The following BAZ2B variants were observed in gnomAD, a reference collection of about 807,000 sequenced individuals.
The protein encoded by BAZ2B is bromodomain adjacent to zinc finger domain 2B.
BAZ2B carries 91 observed loss-of-function variants against 246.0 expected under a neutral mutation model. That is an observed-to-expected ratio of 0.37 (90% CI 0.31 to 0.44). The LOEUF is 0.44. Ranked by LOEUF, BAZ2B falls within the 20% of genes least tolerant of loss-of-function variation. The pLI, the probability that BAZ2B is intolerant of heterozygous loss-of-function variation, is 1.00. For missense variants in BAZ2B, 2,332 were observed against 2,533.7 expected (o/e 0.92, Z 1.71); for synonymous variants, 855 against 860.0 (o/e 0.99, Z 0.10).
rs535929625 is a variant in BAZ2B at position 159,442,655 on chromosome 2, C to T, written c.697-3443G>A. ...TTCTATACCTATTAAACACTAACTT[C>T]CCATCCCTCCTTCCATGCTAGCCAC... is the stretch of plus-strand genomic sequence containing the variant. On this transcript the variant is annotated intron_variant, in intron 6 of 36. Transcript: ENST00000392783. Among the ~76,000 whole-genome samples the T allele has an allele frequency of 3.9e-5, 6 of 152,338 alleles. No homozygotes were observed. The South Asian group carries it at 1.2e-3, about 32-fold the overall frequency.
intron 1 of BAZ2B, among the ~76,000 whole-genome samples, chr2:159,612,686 A>C (rs1355176287): frequency 1.3e-5 from 2 of 152,196 alleles, no homozygotes; most frequent in Non-Finnish European, 2.9e-5. Context: ...TAACAATTGC[A>C]GTTCAAGCTG....
chr2:159,343,226 T>G (rs1419330206), intron 31 of BAZ2B, among the ~76,000 whole-genome samples: 2 of 152,140 alleles, frequency 1.3e-5, no homozygotes, highest in Non-Finnish European at 2.9e-5. Context: ...GCAGAGGAAT[T>G]AAACTAGACC....
intron 3 of BAZ2B, among the ~76,000 whole-genome samples, chr2:159,476,050 T>A (rs1285975394): frequency 6.6e-6 from 1 of 152,150 alleles, no homozygotes; most frequent in Admixed American, 6.5e-5. Flanking sequence ...AATCTGTCCC[T>A]TAGCAAAGCT....
At chr2:159,453,529 C>G (rs1306655746) in intron 4 of BAZ2B, 84 bp downstream of exon 4, 57 of 1,399,880 alleles carry the variant, frequency 4.1e-5, no homozygotes, top group Non-Finnish European at 5.4e-5. Flanking sequence ...TTAGACTATT[C>G]CTTTTGTTCA....
At chr2:159,440,284 CA>C (rs565647506) in intron 6 of BAZ2B, among the ~76,000 whole-genome samples, 189 of 152,042 alleles carry the variant, frequency 1.2e-3, no homozygotes, top group South Asian at 4.8e-3. Context: ...GAAAAAATAA[CA>C]ATAAATTACA....
chr2:159,318,053 GTGTT>G (rs1365165306), downstream of BAZ2B, among the ~76,000 whole-genome samples: 1 of 152,008 alleles, frequency 6.6e-6, no homozygotes, highest in Non-Finnish European at 1.5e-5. Context: ...TTTGGTGTGT[GTGTT>G]TAAGTACTTT....
At chr2:159,347,740 C>T (rs1420440441) in intron 30 of BAZ2B, 94 bp from the exon 31 acceptor site, 1 of 1,049,680 alleles carries the variant, frequency 9.5e-7, no homozygotes, top group Non-Finnish European at 1.4e-6. Flanking sequence ...CTAGGAGACC[C>T]ATGTACATCT....
intron 3 of BAZ2B, 81 bp from the exon 4 acceptor site, chr2:159,453,882 A>C: frequency 1.7e-6 from 2 of 1,159,226 alleles, no homozygotes; most frequent in Non-Finnish European, 2.3e-6. Context: ...TATAGTTAAA[A>C]TTTATAATAA....
At chr2:159,437,695 T>C (rs578242387) in intron 8 of BAZ2B, 2 of 152,256 alleles carry the variant, frequency 1.3e-5, no homozygotes, top group Non-Finnish European at 2.9e-5. Flanking sequence ...GGCGGGCAGA[T>C]CACTTGAGGT....
At chr2:159,353,422 G>A (rs1300399960) in intron 27 of BAZ2B, among the ~76,000 whole-genome samples, 1 of 152,208 alleles carries the variant, frequency 6.6e-6, no homozygotes, top group Non-Finnish European at 1.5e-5. Context: ...CCTTGGGACA[G>A]CTTCTAGGAT....
intron 13 of BAZ2B, among the ~76,000 whole-genome samples, chr2:159,421,175 T>C (rs2068675720): frequency 1.8e-5 from 1 of 54,600 alleles, no homozygotes. Context: ...TTTCTTTACA[T>C]TTTTTTTTTT....
chr2:159,662,269 G>A, the BAZ2B span, among the ~76,000 whole-genome samples: 1 of 152,002 alleles, frequency 6.6e-6, no homozygotes, highest in African/African-American at 2.4e-5. Context: ...TCCACCTTTT[G>A]GCAATTGTAT....
chr2:159,629,144 G>A, the BAZ2B span, among the ~76,000 whole-genome samples: 2 of 152,218 alleles, frequency 1.3e-5, no homozygotes, highest in Admixed American at 6.5e-5. Flanking sequence ...ATGCCAGTTA[G>A]AATGGCAATC....
At chr2:159,530,126 C>A (rs1444847018) in intron 2 of BAZ2B, among the ~76,000 whole-genome samples, 2 of 152,218 alleles carry the variant, frequency 1.3e-5, no homozygotes, top group Non-Finnish European at 2.9e-5. Flanking sequence ...CTCTTTAGCA[C>A]TTCCTTAGAC....
At chr2:159,404,622 A>G (rs1381799894) in intron 16 of BAZ2B, 1 of 454,426 alleles carries the variant, frequency 2.2e-6, no homozygotes, top group Non-Finnish European at 3.8e-6. Flanking sequence ...ATATTAAAGT[A>G]CTTACACAAA....
chr2:159,389,209 G>T, intron 21 of BAZ2B, 136 bp downstream of exon 21: 1 of 898,656 alleles, frequency 1.1e-6, no homozygotes, highest in Non-Finnish European at 1.6e-6. Flanking sequence ...AAGGCAAATT[G>T]ACCTAGAGTT....
At chr2:159,546,258 G>A (rs4665077) in intron 2 of BAZ2B, among the ~76,000 whole-genome samples, 48,206 of 151,492 alleles carry the variant, frequency 0.32, 9,613 homozygotes, top group Admixed American at 0.44. Flanking sequence ...TCCTTCGTGC[G>A]ATGTTCTTGT....
chr2:159,629,605 ATAAG>A, the BAZ2B span, among the ~76,000 whole-genome samples: 1 of 152,106 alleles, frequency 6.6e-6, no homozygotes, highest in Admixed American at 6.5e-5. Flanking sequence ...GTTCTCACTC[ATAAG>A]TGGGAGTTGA....
intron 2 of BAZ2B, among the ~76,000 whole-genome samples, chr2:159,535,573 C>T (rs745889148): frequency 6.6e-6 from 1 of 152,062 alleles, no homozygotes; most frequent in Non-Finnish European, 1.5e-5. Flanking sequence ...AATATTATGA[C>T]TCAATAAACT....
Sources: allele counts gnomAD v4.1 joint callset (sites outside exome capture counted in the v4.1 genomes callset), GRCh38; gene constraint gnomAD v4.1.1; transcripts MANE v1.5; gene names NCBI Gene and HGNC (gene_info 2026-07-23, HGNC 2026-07-21).